The following ERC2 variants were observed in gnomAD, a reference collection of about 807,000 sequenced individuals.
The protein encoded by ERC2 is ELKS/RAB6-interacting/CAST family member 2.
Under a neutral mutation model 114.8 loss-of-function variants are expected in ERC2, and 42 were observed. The ratio of observed to expected loss-of-function variants is 0.37; its 90% CI spans 0.29 to 0.47. The LOEUF (loss-of-function observed/expected upper bound fraction) is 0.47. Among genes scored for constraint, ERC2 ranks in the 20% least tolerant of loss-of-function variants. The pLI is 0.99. For missense variants in ERC2, 939 were observed against 1,150.7 expected (o/e 0.82, Z 2.66); for synonymous variants, 454 against 425.5 (o/e 1.07, Z -0.82).
chr3:55,580,307 C>T (rs1007034326), intron 17 of ERC2, among the ~76,000 whole-genome samples: 3 of 150,716 alleles, frequency 2.0e-5, no homozygotes, highest in East Asian at 1.9e-4. Context: ...CTGCCAGAGG[C>T]GAAAGAATAA....
chr3:56,120,536 G>T (rs1264388823), intron 6 of ERC2, among the ~76,000 whole-genome samples: 1 of 152,092 alleles, frequency 6.6e-6, no homozygotes, highest in South Asian at 2.1e-4. Flanking sequence ...GGAGGTGGGA[G>T]GTTTTCACCT....
intron 6 of ERC2, among the ~76,000 whole-genome samples, chr3:56,101,913 GC>G (rs1237040747): frequency 1.3e-4 from 20 of 152,292 alleles, no homozygotes; most frequent in South Asian, 4.1e-4. Flanking sequence ...AAACTTTGCA[GC>G]TTTTCCCTCA....
At chr3:55,910,469 T>C (rs1296799230) in intron 13 of ERC2, among the ~76,000 whole-genome samples, 1 of 152,060 alleles carries the variant, frequency 6.6e-6, no homozygotes, top group East Asian at 1.9e-4. Context: ...TGTGTGTATA[T>C]ATGTATATAT....
intron 2 of ERC2, among the ~76,000 whole-genome samples, chr3:56,359,509 C>G (rs892638657): frequency 4.6e-5 from 7 of 152,198 alleles, no homozygotes; most frequent in African/African-American, 1.4e-4. Context: ...TTCTTAGAAC[C>G]AGTGTACAAA....
intron 7 of ERC2, among the ~76,000 whole-genome samples, chr3:56,063,177 G>A (rs2076319947): frequency 6.6e-6 from 1 of 152,166 alleles, no homozygotes. Context: ...AAAACTACAA[G>A]GCATGGGGAA....
chr3:56,218,382 T>A (rs1395553687), intron 3 of ERC2, among the ~76,000 whole-genome samples: 2 of 151,960 alleles, frequency 1.3e-5, no homozygotes, highest in African/African-American at 4.8e-5. Context: ...AAAAGACACA[T>A]GAAAAAATGC....
chr3:55,830,261 T>C (rs972031199), intron 14 of ERC2, among the ~76,000 whole-genome samples: 1 of 152,120 alleles, frequency 6.6e-6, no homozygotes, highest in Non-Finnish European at 1.5e-5. Context: ...GGACTGAAGA[T>C]GAAACATGAT....
chr3:55,718,355 A>G (rs947096989), intron 15 of ERC2, among the ~76,000 whole-genome samples: 3 of 152,228 alleles, frequency 2.0e-5, no homozygotes, highest in African/African-American at 7.2e-5. Context: ...CTGGGCACGC[A>G]TGACTGACCA....
At chr3:55,833,851 T>C (rs2060736233) in intron 14 of ERC2, among the ~76,000 whole-genome samples, 1 of 152,218 alleles carries the variant, frequency 6.6e-6, no homozygotes, top group African/African-American at 2.4e-5. Context: ...CTGTCTGCTG[T>C]ATTCAGGAAA....
rs138827206 is a variant in ERC2, at chr3:55,831,061, C to T, written c.2564+57328G>A. Among the ~76,000 whole-genome samples, 1,296 of 150,754 alleles carry T rather than the reference C, an allele frequency of 8.6e-3. 13 individuals carry two copies. Among genetic ancestry groups the T allele is most frequent in the African/African-American group, 0.031 (1,251 of 40,878 alleles). The stretch of plus-strand genomic sequence containing the variant: ...GTGGTTCACACTTGTAATCCCAGTA[C>T]TTTGGGAGGCCAAGACAGGAAGGTT... On this transcript the variant is annotated intron_variant, in intron 14 of 17. Transcript: ENST00000288221.
chr3:56,105,598 G>A (rs573167678), intron 6 of ERC2, among the ~76,000 whole-genome samples: 1 of 152,264 alleles, frequency 6.6e-6, no homozygotes. Flanking sequence ...TTATAGGTGT[G>A]AGCCATCATG....
intron 12 of ERC2, among the ~76,000 whole-genome samples, chr3:55,978,435 C>A (rs973290367): frequency 4.6e-5 from 7 of 152,186 alleles, no homozygotes; most frequent in African/African-American, 1.7e-4. Context: ...CTCTCAATGG[C>A]TTGGGAGAAA....
chr3:55,683,854 G>C lies in ERC2; in HGVS notation c.2853C>G (p.Asp951Glu). Residue 951 changes from aspartate (D) to glutamate (E), a missense_variant, in exon 17 of 18, where the codon GAC (aspartate) becomes GAG (glutamate). Transcript: ENST00000288221. The part of the protein sequence containing the change: ...SNHRPSPDQD[D>E]EEGIWA ...CCGGCTATGCCCATATGCCCTCCTC[G>C]TCATCCTGCGGCCGGCCCGAGGTGG... 1.9e-6 allele frequency: 3 copies of C among 1,611,578 alleles called. No homozygotes were observed. The highest frequency in any genetic ancestry group is 2.5e-6 in the Non-Finnish European group (3 of 1,178,984).
chr3:55,912,246 G>A (rs553031391), intron 13 of ERC2, among the ~76,000 whole-genome samples: 3 of 152,322 alleles, frequency 2.0e-5, no homozygotes, highest in East Asian at 3.9e-4. Flanking sequence ...ATATCCCAGA[G>A]CTGGTATTTC....
At chr3:56,173,340 G>T in intron 4 of ERC2, 106 bp downstream of exon 4, 1 of 1,037,444 alleles carries the variant, frequency 9.6e-7, no homozygotes, top group Non-Finnish European at 1.5e-6. Context: ...CCAGCAGGGT[G>T]CCTAGAGAAA....
chr3:56,233,415 G>A (rs1415874189), intron 3 of ERC2, among the ~76,000 whole-genome samples: 1 of 152,196 alleles, frequency 6.6e-6, no homozygotes, highest in Non-Finnish European at 1.5e-5. Context: ...GAGGTCAGGA[G>A]TTTGAGACCA....
chr3:56,183,128 T>A (rs1349687814), intron 3 of ERC2, among the ~76,000 whole-genome samples: 1 of 152,122 alleles, frequency 6.6e-6, no homozygotes, highest in African/African-American at 2.4e-5. Context: ...GAAGACTCAA[T>A]GGAATATTTA....
chr3:56,211,681 C>T lies in ERC2; in HGVS notation c.1075-38161G>A, dbSNP rs146521499. Among the ~76,000 whole-genome samples, 196 of 152,266 alleles carry T rather than the reference C, an allele frequency of 1.3e-3. 2 individuals carry two copies. The highest frequency in any genetic ancestry group is 4.5e-3 in the African/African-American group (187 of 41,542). ...AAAAAGAACAAATCCGTAGGCATTA[C>T]ATTACCTGACCTTCAAACTATTCTA... is the stretch of plus-strand genomic sequence containing the variant. On this transcript the variant is annotated intron_variant, in intron 3 of 17. Transcript: ENST00000288221.
At chr3:55,664,425 T>A (rs1361802686) in intron 17 of ERC2, among the ~76,000 whole-genome samples, 1 of 152,192 alleles carries the variant, frequency 6.6e-6, no homozygotes, top group Non-Finnish European at 1.5e-5. Context: ...TACATTCTGT[T>A]CGCAAATGCG....
Sources: gnomAD v4.1 joint callset for allele counts (sites outside exome capture counted in the v4.1 genomes callset) on GRCh38, gnomAD v4.1.1 for gene constraint, MANE v1.5 for transcripts, NCBI Gene and HGNC (gene_info 2026-07-23, HGNC 2026-07-21) for gene names.